The following KCNIP1 variants were observed in gnomAD, a reference collection of about 807,000 sequenced individuals.
KCNIP1 encodes A-type potassium channel modulatory protein KCNIP1.
A neutral mutation model predicts 33.0 loss-of-function variants in KCNIP1; 18 were observed. That is an observed-to-expected ratio of 0.55 (90% CI 0.38 to 0.81). The LOEUF is 0.81. Among genes scored for constraint, KCNIP1 ranks in the 30% least tolerant of loss-of-function variants. The pLI, the probability that KCNIP1 is intolerant of heterozygous loss-of-function variation, is 0.00. For missense variants in KCNIP1, 238 were observed against 271.6 expected, an observed-to-expected ratio of 0.88 and a Z score of 0.87; for synonymous variants, 93 against 98.3, an observed-to-expected ratio of 0.95 and a Z score of 0.32.
At chr5:170,431,946 G>GGTT (rs1755752087) in intron 1 of KCNIP1, among the ~76,000 whole-genome samples, 1 of 152,162 alleles carries the variant, frequency 6.6e-6, no homozygotes, top group Admixed American at 6.5e-5. Flanking sequence ...AGGCCTGAGG[G>GGTT]GTTGCTGGTG....
At chr5:170,486,172 C>T (rs900931388) in intron 1 of KCNIP1, 5 of 152,166 alleles carry the variant, frequency 3.3e-5, no homozygotes, top group African/African-American at 1.2e-4. Flanking sequence ...AGCTCTGTTC[C>T]CTGGTGACAG....
At chr5:170,714,957 T>C (rs1763596310) in intron 1 of KCNIP1, among the ~76,000 whole-genome samples, 1 of 152,198 alleles carries the variant, frequency 6.6e-6, no homozygotes, top group African/African-American at 2.4e-5. Flanking sequence ...TCATGTTTAG[T>C]AATATCCCAG....
intron 1 of KCNIP1, among the ~76,000 whole-genome samples, chr5:170,628,711 G>A (rs1427894024): frequency 5.3e-5 from 8 of 152,176 alleles, no homozygotes; most frequent in South Asian, 2.1e-4. Flanking sequence ...GTTGTCCTGC[G>A]AAGACACCCG....
At chr5:170,567,389 G>A (rs1006561285) in intron 1 of KCNIP1, among the ~76,000 whole-genome samples, 1 of 152,168 alleles carries the variant, frequency 6.6e-6, no homozygotes, top group African/African-American at 2.4e-5. Context: ...TCAGAAGTCA[G>A]ACCAAACATC....
intron 1 of KCNIP1, among the ~76,000 whole-genome samples, chr5:170,429,257 G>A (rs765837340): frequency 1.3e-5 from 2 of 152,044 alleles, no homozygotes; most frequent in Admixed American, 6.5e-5. Context: ...TGGGCATGCC[G>A]TTGTCTCTGC....
chr5:170,504,487 A>G lies in KCNIP1; in HGVS notation c.-86A>G. ...CGGGCGCTTTTCTCTCCTCCAATTC[A>G]GAGTAGACAAACCACGGGGATTTCT... On this transcript the variant is annotated 5_prime_UTR_variant, in exon 1 of 8. Coordinates refer to ENST00000328939, the MANE Select transcript of KCNIP1 (RefSeq NM_014592.4). The surrounding 1 kb of genome is among the most constrained non-coding windows in gnomAD (Gnocchi z 6.0). 1 of 1,598,460 alleles carries G rather than the reference A, an allele frequency of 6.3e-7. No individual in the cohort carries two copies.
chr5:170,652,169 A>T (rs563764968), intron 1 of KCNIP1, among the ~76,000 whole-genome samples: 2 of 152,074 alleles, frequency 1.3e-5, no homozygotes, highest in East Asian at 3.9e-4. Flanking sequence ...GGGGGAAAGG[A>T]GCTTCTAATG....
intron 1 of KCNIP1, among the ~76,000 whole-genome samples, chr5:170,693,190 C>T (rs544263323): frequency 3.9e-5 from 6 of 152,174 alleles, no homozygotes; most frequent in Non-Finnish European, 7.3e-5. Flanking sequence ...CCTCTCACCC[C>T]CTCCCGCTGG....
At chr5:170,515,159 G>T (rs1205001181) in intron 1 of KCNIP1, among the ~76,000 whole-genome samples, 1 of 152,164 alleles carries the variant, frequency 6.6e-6, no homozygotes, top group Non-Finnish European at 1.5e-5. Context: ...CACTCCAAAT[G>T]CAGGCCTCAC....
chr5:170,406,043 G>T (rs1755031628), intron 1 of KCNIP1, among the ~76,000 whole-genome samples: 1 of 152,164 alleles, frequency 6.6e-6, no homozygotes, highest in African/African-American at 2.4e-5. Flanking sequence ...AAACTTATCT[G>T]TCTCCTCTTT....
chr5:170,640,599 G>A (rs560361506), intron 1 of KCNIP1, among the ~76,000 whole-genome samples: 19 of 152,268 alleles, frequency 1.2e-4, no homozygotes, highest in South Asian at 6.2e-4. Flanking sequence ...ACAGAACAGC[G>A]TCCATCCCTC....
chr5:170,562,377 G>T (rs1036080944), intron 1 of KCNIP1, among the ~76,000 whole-genome samples: 2 of 152,180 alleles, frequency 1.3e-5, no homozygotes, highest in African/African-American at 4.8e-5. Context: ...ACTGCATGGG[G>T]TTCTGCAACC....
intron 1 of KCNIP1, among the ~76,000 whole-genome samples, chr5:170,645,628 T>C (rs555586733): frequency 6.6e-6 from 1 of 152,286 alleles, no homozygotes; most frequent in South Asian, 2.1e-4. Flanking sequence ...CTGGATGTAA[T>C]TGACATCTGT....
chr5:170,682,774 T>C lies in KCNIP1; in HGVS notation c.62-35984T>C, dbSNP rs1348627225. 6.4e-5 allele frequency among the ~76,000 whole-genome samples: 9 copies of C among 140,488 alleles called. No homozygotes were observed. In the East Asian group the frequency reaches 1.9e-3, roughly 30 times the overall value. The allele number at this position is 140,488 out of a possible 152,430, so 92.2% of individuals were successfully genotyped here. Reference sequence around the variant, plus strand: ...CACATTAATGCAACAGCGTCCTATTTTCTTTGTTTCTTTTTTTTTTTTTTT... The same window carrying C: ...CACATTAATGCAACAGCGTCCTATTCTCTTTGTTTCTTTTTTTTTTTTTTT... On this transcript the variant is annotated intron_variant, in intron 1 of 7. Coordinates refer to ENST00000328939, the MANE Select transcript of KCNIP1 (RefSeq NM_014592.4).
intron 1 of KCNIP1, among the ~76,000 whole-genome samples, chr5:170,545,319 G>A (rs13164043): frequency 0.23 from 34,941 of 151,764 alleles, 6,340 homozygotes; most frequent in African/African-American, 0.51. Context: ...CTTTGTTTTC[G>A]GCATTTTGAC....
chr5:170,551,123 T>C (rs11958729), intron 1 of KCNIP1, among the ~76,000 whole-genome samples: 35,815 of 152,126 alleles, frequency 0.24, 6,417 homozygotes, highest in African/African-American at 0.51. Context: ...TGTGTTCTTC[T>C]CTACTTGTGT....
At chr5:170,646,174 A>G (rs974885887) in intron 1 of KCNIP1, among the ~76,000 whole-genome samples, 1 of 152,240 alleles carries the variant, frequency 6.6e-6, no homozygotes, top group Non-Finnish European at 1.5e-5. Context: ...TTTAAGGAAG[A>G]AAATGTATCA....
intron 1 of KCNIP1, among the ~76,000 whole-genome samples, chr5:170,627,395 T>C (rs1759873290): frequency 6.6e-6 from 1 of 152,268 alleles, no homozygotes; most frequent in African/African-American, 2.4e-5. Context: ...ACCAGCACCC[T>C]GGTTTGCCTG....
upstream of KCNIP1, among the ~76,000 whole-genome samples, chr5:170,501,492 ATACC>A (rs1236098236): frequency 6.6e-6 from 1 of 152,242 alleles, no homozygotes; most frequent in Non-Finnish European, 1.5e-5. Flanking sequence ...ACTTCACTTT[ATACC>A]TACTGTTCAG....
Sources: gnomAD v4.1 joint callset for allele counts (sites outside exome capture counted in the v4.1 genomes callset) on GRCh38, gnomAD v4.1.1 for gene constraint, Gnocchi (gnomAD v3.1) non-coding constraint, MANE v1.5 for transcripts, NCBI Gene and HGNC (gene_info 2026-07-23, HGNC 2026-07-21) for gene names.